Variants in CUL2 observed in about 807,000 individuals in gnomAD.
CUL2 encodes cullin-2.
A neutral mutation model predicts 110.2 loss-of-function variants in CUL2; 22 were observed. The observed-to-expected ratio is 0.20, with a 90% CI of 0.14 to 0.28. The LOEUF (loss-of-function observed/expected upper bound fraction) is 0.28. Among genes scored for constraint, CUL2 ranks in the 10% least tolerant of loss-of-function variants. The probability of loss-of-function intolerance (pLI) is 1.00; values close to 1 mark genes in which losing one functional copy is unlikely to be tolerated. For missense variants in CUL2, 631 were observed against 905.5 expected, an observed-to-expected ratio of 0.70 and a Z score of 3.89; for synonymous variants, 279 against 293.2, an observed-to-expected ratio of 0.95 and a Z score of 0.49.
At chr10:35,047,760 T>C (rs1336433978) in intron 6 of CUL2, among the ~76,000 whole-genome samples, 2 of 147,472 alleles carry the variant, frequency 1.4e-5, no homozygotes, top group Admixed American at 1.4e-4. Context: ...CTACTAAAAA[T>C]ACAAAAATTA....
intron 17 of CUL2, among the ~76,000 whole-genome samples, chr10:35,017,436 G>A (rs2085064356): frequency 6.6e-6 from 1 of 152,184 alleles, no homozygotes; most frequent in Admixed American, 6.5e-5. Context: ...GCTTATGCCT[G>A]TAATCCCAGC....
chr10:35,106,980 G>T (rs1165219147), intron 1 of CUL2, among the ~76,000 whole-genome samples: 10 of 151,234 alleles, frequency 6.6e-5, no homozygotes, highest in Non-Finnish European at 1.0e-4. Flanking sequence ...TTGTTTGTTT[G>T]TTTTTTTGTT....
Position 35,016,329 on chromosome 10 carries a change from C to T in CUL2, c.1750G>A (p.Val584Ile). The T allele has an allele frequency of 6.2e-7, 1 of 1,613,968 alleles. No individual in the cohort carries two copies. The highest frequency in any genetic ancestry group is 8.5e-7 in the Non-Finnish European group (1 of 1,179,912). Residue 584 changes from valine (V) to isoleucine (I), a missense_variant, in exon 18 of 21, where the codon GTT (valine) becomes ATT (isoleucine). Around this residue, in one of 3 missense-constraint regions of CUL2, gnomAD observed 159 missense variants for 202.7 expected, o/e 0.78. Coordinates refer to ENST00000374749, the MANE Select transcript of CUL2 (RefSeq NM_003591.4). Reference sequence around the variant, plus strand: ...TCACTGTTGTTAAAGGCAAGAAGAACTGCCATTTGGTATGTTGTAACCATG... The same window carrying T: ...TCACTGTTGTTAAAGGCAAGAAGAATTGCCATTTGGTATGTTGTAACCATG... ...VAMVTTYQMA[V>I]LLAFNNSETV...
Position 35,044,880 on chromosome 10 carries a change from T to C in CUL2, c.507-12A>G. On this transcript the variant is annotated splice_polypyrimidine_tract_variant and intron_variant, in intron 6 of 20. Transcript: ENST00000374749. ...CTCCACCACGATCACTAAAACAAGG[T>C]ATAACACAAAATATTCTTGAGAATA... 1 of 1,583,782 alleles carries C rather than the reference T, an allele frequency of 6.3e-7. No individual in the cohort carries two copies. Among genetic ancestry groups the C allele is most frequent in the Non-Finnish European group, 8.6e-7 (1 of 1,156,516 alleles).
intron 6 of CUL2, among the ~76,000 whole-genome samples, chr10:35,049,454 G>T (rs1183095979): frequency 6.6e-6 from 1 of 150,994 alleles, no homozygotes; most frequent in Admixed American, 6.6e-5. Context: ...GCATATTAGG[G>T]TATAAGAAAA....
chr10:35,073,404 C>T (rs1419857617), intron 1 of CUL2, among the ~76,000 whole-genome samples: 1 of 152,006 alleles, frequency 6.6e-6, no homozygotes, highest in East Asian at 1.9e-4. Context: ...TGAATCCATC[C>T]ATACTTGTAT....
chr10:35,010,159 C>T lies in CUL2; in HGVS notation c.*152G>A. The T allele has an allele frequency of 1.8e-6, 1 of 558,874 alleles. No individual in the cohort carries two copies. The highest frequency in any genetic ancestry group is 2.8e-6 in the Non-Finnish European group (1 of 362,992). 34.6% of individuals were successfully genotyped at this position (558,874 alleles called of 1,614,324 possible). On this transcript the variant is annotated 3_prime_UTR_variant, in exon 21 of 21. Coordinates refer to ENST00000374749, the MANE Select transcript of CUL2 (RefSeq NM_003591.4). ...ATATCTCTAGGCATTTTCTTTGACG[C>T]TCATGACGTGGCACTGGTGATGTTG...
At chr10:35,069,995 A>C (rs1240975936) in intron 2 of CUL2, among the ~76,000 whole-genome samples, 2 of 152,188 alleles carry the variant, frequency 1.3e-5, no homozygotes, top group Non-Finnish European at 2.9e-5. Context: ...TATCCTCTAG[A>C]TATACTGGAA....
chr10:35,108,897 C>A (rs1184799281), intron 1 of CUL2, among the ~76,000 whole-genome samples: 1 of 152,142 alleles, frequency 6.6e-6, no homozygotes, highest in African/African-American at 2.4e-5. Flanking sequence ...CTGATGTTTG[C>A]TGAATTAATG....
chr10:35,048,139 C>A (rs1440937307), intron 6 of CUL2, among the ~76,000 whole-genome samples: 1 of 152,074 alleles, frequency 6.6e-6, no homozygotes, highest in African/African-American at 2.4e-5. Context: ...ATTTTTAGCA[C>A]AATGCTTGGT....
rs1228358463 is a variant in CUL2 at position 35,060,949 on chromosome 10, T to A, written c.242A>T (p.Glu81Val). The A allele has an allele frequency of 6.2e-7, 1 of 1,613,582 alleles. No individual in the cohort carries two copies. The highest frequency in any genetic ancestry group is 8.5e-7 in the Non-Finnish European group (1 of 1,179,896). Residue 81 changes from glutamate (E) to valine (V), a missense_variant, in exon 4 of 21, where the codon GAA (glutamate) becomes GTA (valine). Around this residue, in one of 3 missense-constraint regions of CUL2, gnomAD observed 338 missense variants for 442.5 expected, o/e 0.76. Transcript: ENST00000374749. ...CCTATGATACATAACAAGTACTTGT[T>A]CTTCTGACTCCAAAACTCTCTATAT... is the stretch of plus-strand genomic sequence containing the variant. ...HLHKRVLESE[E>V]QVLVMYHRYW...
intron 3 of CUL2, 68 bp downstream of exon 3, chr10:35,062,892 G>A: frequency 3.2e-6 from 3 of 930,044 alleles, no homozygotes; most frequent in Non-Finnish European, 5.1e-6. Flanking sequence ...GTTCTACACT[G>A]GAAAACAGTA....
chr10:35,010,682 AT>A (rs2134603180), intron 20 of CUL2, among the ~76,000 whole-genome samples: 1 of 152,314 alleles, frequency 6.6e-6, no homozygotes, highest in Admixed American at 6.5e-5. Context: ...CCAAGCTTCT[AT>A]TTAACTCAAC....
At chr10:35,044,945 A>G in intron 6 of CUL2, 77 bp from the exon 7 acceptor site, 1 of 970,604 alleles carries the variant, frequency 1.0e-6, no homozygotes, top group East Asian at 2.4e-5. Context: ...ATGCCAAAAT[A>G]TGGCTCCTTA....
At chr10:35,067,182 G>C (rs563792901) in intron 2 of CUL2, among the ~76,000 whole-genome samples, 1 of 151,326 alleles carries the variant, frequency 6.6e-6, no homozygotes, top group South Asian at 2.1e-4. Context: ...CAGTATGCCT[G>C]GGTTTAAATG....
At chr10:35,035,390 C>G in intron 9 of CUL2, 94 bp from the exon 10 acceptor site, 2 of 1,384,712 alleles carry the variant, frequency 1.4e-6, no homozygotes, top group Non-Finnish European at 2.0e-6. Flanking sequence ...ATATACGGAT[C>G]CAAGTGCAGA....
chr10:35,116,475 A>G (rs769374671), intron 1 of CUL2, among the ~76,000 whole-genome samples: 3 of 152,216 alleles, frequency 2.0e-5, no homozygotes, highest in Non-Finnish European at 2.9e-5. Context: ...GAAAAGATCT[A>G]TATCTATTGT....
At chr10:35,034,847 T>C (rs1042278080) in intron 10 of CUL2, among the ~76,000 whole-genome samples, 9 of 152,208 alleles carry the variant, frequency 5.9e-5, no homozygotes, top group African/African-American at 2.2e-4. Context: ...ACTACTACCA[T>C]GACAACAAAC....
intron 2 of CUL2, among the ~76,000 whole-genome samples, chr10:35,100,588 C>T (rs1053997841): frequency 6.6e-6 from 1 of 151,938 alleles, no homozygotes. Context: ...ATGGCGAAAC[C>T]TCGTCTCTAC....
Sources: gnomAD v4.1 joint callset for allele counts (sites outside exome capture counted in the v4.1 genomes callset) on GRCh38, gnomAD v4.1.1 for gene constraint, gnomAD v4.1.1 regional missense constraint, MANE v1.5 for transcripts, NCBI Gene and HGNC (gene_info 2026-07-23, HGNC 2026-07-21) for gene names.